DMD: variants seen among roughly 807,000 people sequenced by gnomAD.
DMD encodes dystrophin.
In DMD, 63 loss-of-function variants were observed where a neutral mutation model predicts 330.1. The observed-to-expected ratio is 0.19, with a 90% CI of 0.16 to 0.24. The LOEUF is 0.24. Among genes scored for constraint, DMD ranks in the 10% least tolerant of loss-of-function variants. The pLI is 1.00. For missense variants in DMD, 3,344 were observed against 2,684.1 expected, an observed-to-expected ratio of 1.25 and a Z score of -5.43; for synonymous variants, 1,223 against 959.8, an observed-to-expected ratio of 1.27 and a Z score of -5.07.
At chrX:33,063,413 A>G (rs1001683043) in intron 1 of DMD, among the ~76,000 whole-genome samples, 4 of 112,135 alleles carry the variant, frequency 3.6e-5, no homozygotes, top group Non-Finnish European at 7.5e-5. Flanking sequence ...GGAAAAATTC[A>G]CTAAATCCCT....
At chrX:33,282,957 T>C (rs1282306174) in intron 1 of DMD, among the ~76,000 whole-genome samples, 1 of 112,250 alleles carries the variant, frequency 8.9e-6, no homozygotes, top group African/African-American at 3.2e-5. Context: ...CTTTACAATT[T>C]TCTTTTGATG....
chrX:31,739,737 T>C (rs1361649045), intron 51 of DMD, among the ~76,000 whole-genome samples: 1 of 107,820 alleles, frequency 9.3e-6, no homozygotes, highest in African/African-American at 3.4e-5. Flanking sequence ...GTAACAAACC[T>C]GCACGTTCTG....
At chrX:32,621,887 A>G (rs911944063) in intron 11 of DMD, among the ~76,000 whole-genome samples, 1 of 111,563 alleles carries the variant, frequency 9.0e-6, no homozygotes, top group Admixed American at 9.6e-5. Flanking sequence ...AAAACTTGCT[A>G]GAAGTGTGTG....
chrX:32,000,036 T>G (rs2095615165), intron 44 of DMD, among the ~76,000 whole-genome samples: 1 of 112,573 alleles, frequency 8.9e-6, no homozygotes, highest in Non-Finnish European at 1.9e-5. Flanking sequence ...AAATAAATAC[T>G]GCAACTTCTG....
chrX:32,354,744 G>T (rs2097793179), intron 37 of DMD, among the ~76,000 whole-genome samples: 1 of 111,292 alleles, frequency 9.0e-6, no homozygotes, highest in Non-Finnish European at 1.9e-5. Context: ...TGACTAATTT[G>T]TGAGGCTAAT....
intron 44 of DMD, among the ~76,000 whole-genome samples, chrX:32,104,166 T>G: frequency 9.0e-6 from 1 of 111,597 alleles, no homozygotes; most frequent in African/African-American, 3.3e-5. Flanking sequence ...CTCTGTTAAT[T>G]TAGGCATGAT....
intron 44 of DMD, among the ~76,000 whole-genome samples, chrX:32,148,303 A>T (rs1019848937): frequency 8.9e-6 from 1 of 111,923 alleles, no homozygotes; most frequent in Non-Finnish European, 1.9e-5. Flanking sequence ...TTTAGATATT[A>T]TTATGACTAC....
rs191403944 is a variant in DMD at position 32,475,141 on chromosome X, G to T, written c.2804-2832C>A. On this transcript the variant is annotated intron_variant, in intron 21 of 78. Transcript: ENST00000357033. The stretch of plus-strand genomic sequence containing the variant: ...CTTTCTTTACTGTATGTTTTTGTTT[G>T]CTTTGTTGAAGATCAGTTTGTGTAA... 1.7e-3 allele frequency among the ~76,000 whole-genome samples: 193 copies of T among 110,974 alleles called. 3 individuals are homozygous for T. The South Asian group carries it at 0.051, about 29-fold the overall frequency.
At chrX:32,575,278 C>T (rs1286366590) in intron 13 of DMD, among the ~76,000 whole-genome samples, 3 of 111,504 alleles carry the variant, frequency 2.7e-5, no homozygotes, top group Admixed American at 9.6e-5. Context: ...AAAAAATACA[C>T]GCATGGGTAA....
At chrX:32,935,580 T>C (rs1008078164) in intron 2 of DMD, among the ~76,000 whole-genome samples, 4 of 112,168 alleles carry the variant, frequency 3.6e-5, no homozygotes, top group Non-Finnish European at 7.5e-5. Context: ...GCTACGAATG[T>C]CCTTCCCTCC....
chrX:32,735,467 A>G (rs1462948815), intron 7 of DMD, among the ~76,000 whole-genome samples: 1 of 111,472 alleles, frequency 9.0e-6, no homozygotes, highest in Admixed American at 9.5e-5. Flanking sequence ...AGTCACTCCT[A>G]AGCCAAAAGA....
chrX:33,067,568 C>T (rs1205569518), intron 1 of DMD, among the ~76,000 whole-genome samples: 1 of 112,280 alleles, frequency 8.9e-6, no homozygotes, highest in African/African-American at 3.2e-5. Context: ...AGGCCAGGAG[C>T]GGTGGCTCAC....
intron 34 of DMD, among the ~76,000 whole-genome samples, chrX:32,372,211 T>C (rs749361834): frequency 5.1e-4 from 57 of 112,076 alleles, no homozygotes; most frequent in African/African-American, 1.8e-3. Context: ...TTTGTCATTA[T>C]AATTTGCAAC....
At chrX:32,013,310 C>A (rs1274001696) in intron 44 of DMD, among the ~76,000 whole-genome samples, 1 of 110,291 alleles carries the variant, frequency 9.1e-6, no homozygotes, top group Non-Finnish European at 1.9e-5. Flanking sequence ...TGGTCTCGAA[C>A]TCCTGACCTC....
chrX:32,399,866 A>C (rs372777003), intron 30 of DMD, among the ~76,000 whole-genome samples: 2 of 111,943 alleles, frequency 1.8e-5, no homozygotes, highest in Non-Finnish European at 3.8e-5. Context: ...GATAAAGAAA[A>C]TATGGTTTTC....
chrX:31,485,447 C>T (rs989420663), intron 57 of DMD, among the ~76,000 whole-genome samples: 8 of 111,710 alleles, frequency 7.2e-5, no homozygotes, highest in African/African-American at 2.0e-4. Flanking sequence ...CCGTTTGCCT[C>T]GGCCTCGCAA....
At chrX:32,139,510 C>T (rs1403796097) in intron 44 of DMD, among the ~76,000 whole-genome samples, 1 of 112,188 alleles carries the variant, frequency 8.9e-6, no homozygotes, top group Non-Finnish European at 1.9e-5. Flanking sequence ...TGATGAAACA[C>T]TTCTTTATCT....
intron 9 of DMD, among the ~76,000 whole-genome samples, chrX:32,655,132 T>A (rs892089045): frequency 8.9e-6 from 1 of 111,962 alleles, no homozygotes; most frequent in Non-Finnish European, 1.9e-5. Flanking sequence ...TGTGTCTCTA[T>A]TTCCTTCAGT....
intron 54 of DMD, among the ~76,000 whole-genome samples, chrX:31,638,502 C>T (rs2079544563): frequency 8.9e-6 from 1 of 112,288 alleles, no homozygotes; most frequent in South Asian, 3.7e-4. Flanking sequence ...CATGAAGTGG[C>T]TTCTAAGCCA....
Sources: allele counts gnomAD v4.1 joint callset (sites outside exome capture counted in the v4.1 genomes callset), GRCh38; gene constraint gnomAD v4.1.1; transcripts MANE v1.5; gene names NCBI Gene and HGNC (gene_info 2026-07-23, HGNC 2026-07-21).